Variants in PTPRF observed in about 807,000 individuals in gnomAD.
PTPRF encodes the protein receptor-type tyrosine-protein phosphatase F.
PTPRF carries 59 observed loss-of-function variants against 201.8 expected under a neutral mutation model. That is an observed-to-expected ratio of 0.29 (90% CI 0.24 to 0.36). The LOEUF (loss-of-function observed/expected upper bound fraction) is 0.36. PTPRF is among the 10% of genes least tolerant of loss of function. The pLI is 1.00. For synonymous variants in PTPRF, 1,088 were observed against 1,089.7 expected, an observed-to-expected ratio of 1.00 and a Z score of 0.03; for missense variants, 2,132 against 2,690.5, an observed-to-expected ratio of 0.79 and a Z score of 4.59.
In PTPRF at chr1:43,622,008, C is replaced by T. The variant is rs369551279; in HGVS notation, c.*5C>T. ...TTTGACCACTATGCAACGTAACTAC[C>T]GCTCCCCTCTCCTCCGCCACCCCCG... On this transcript the variant is annotated 3_prime_UTR_variant, in exon 34 of 34. Transcript: ENST00000359947. 132 of 1,613,794 alleles carry T rather than the reference C, an allele frequency of 8.2e-5. No individual in the cohort carries two copies. In the African/African-American group the frequency reaches 1.3e-3, roughly 15 times the overall value.
At chr1:43,616,097 G>A (rs1428974746) in intron 23 of PTPRF, among the ~76,000 whole-genome samples, 2 of 152,040 alleles carry the variant, frequency 1.3e-5, no homozygotes, top group African/African-American at 4.8e-5. Flanking sequence ...GAGGTGTGGG[G>A]TGTGCTGCGG....
chr1:43,539,314 T>C (rs1159647163), intron 2 of PTPRF, among the ~76,000 whole-genome samples: 1 of 151,986 alleles, frequency 6.6e-6, no homozygotes, highest in Non-Finnish European at 1.5e-5. Context: ...ACTGACAACA[T>C]GGTGGTGCTG....
Position 43,591,023 on chromosome 1 carries a change from G to T in PTPRF, c.1001G>T (p.Ser334Ile). The T allele has an allele frequency of 6.2e-7, 1 of 1,613,902 alleles. No homozygotes were observed. Among genetic ancestry groups the T allele is most frequent in the Non-Finnish European group, 8.5e-7 (1 of 1,179,880 alleles). The change falls in exon 9 of 34, where the codon AGT becomes ATT. Residue 334 changes from serine to isoleucine, a missense_variant. This residue lies in a region of PTPRF where 351 missense variants were observed against 401.7 expected (regional missense o/e 0.87). Coordinates refer to ENST00000359947, the MANE Select transcript of PTPRF (RefSeq NM_002840.5). ...GTGGTGACAGAGACAACTGCCACCAGTGTCACCCTCACCTGGGACTCTGGG... is the reference window on the plus strand; with the variant it reads ...GTGGTGACAGAGACAACTGCCACCATTGTCACCCTCACCTGGGACTCTGGG... ...DLVVTETTAT[S>I]VTLTWDSGNS...
rs866454013 is a variant in PTPRF, at chr1:43,557,623, T to G, written c.379+3682T>G. On this transcript the variant is annotated intron_variant, in intron 5 of 33. Transcript: ENST00000359947. ...CACTCCAGCCTGGGCGACAGGAGAC[T>G]CCATCTCAAAAAAAAAAAAAAAAAA... Among the ~76,000 whole-genome samples the G allele has an allele frequency of 4.4e-3, 554 of 126,750 alleles. 2 individuals are homozygous for G. Among genetic ancestry groups the G allele is most frequent in the African/African-American group, 0.016 (513 of 32,236 alleles). 83.2% of individuals were successfully genotyped at this position (126,750 alleles called of 152,430 possible). A position where few individuals can be genotyped will look rare whatever the true frequency, so the allele number is the denominator to read the frequency against.
rs1644102918 is a variant in PTPRF at position 43,537,582 on chromosome 1, A to G, written c.-125-616A>G. On this transcript the variant is annotated intron_variant, in intron 1 of 33. Transcript: ENST00000359947. This position sits in a 1 kb window ranked among gnomAD's most constrained non-coding sequence, Gnocchi z 4.8. Reference sequence around the variant, plus strand: ...TGGTAGTGACTCAGTAATTGTAAAAATATATAAATAGTCATGTTTGTGGTC... The same window carrying G: ...TGGTAGTGACTCAGTAATTGTAAAAGTATATAAATAGTCATGTTTGTGGTC... Among the ~76,000 whole-genome samples, 3 of 152,250 alleles carry G rather than the reference A, an allele frequency of 2.0e-5. No homozygotes were observed. Among genetic ancestry groups the G allele is most frequent in the Admixed American group, 2.0e-4 (3 of 15,288 alleles).
chr1:43,565,877 G>A (rs1646136806), intron 5 of PTPRF, among the ~76,000 whole-genome samples: 1 of 152,112 alleles, frequency 6.6e-6, no homozygotes, highest in African/African-American at 2.4e-5. Flanking sequence ...CAGCCCTTCC[G>A]CGGCAGCGCC....
intron 22 of PTPRF, chr1:43,612,834 C>CT (rs772621682): frequency 7.4e-7 from 1 of 1,351,794 alleles, no homozygotes; most frequent in South Asian, 1.2e-5. Flanking sequence ...TTGGGGGATA[C>CT]TTTGGCTTCT....
At chr1:43,531,748 C>G (rs1398083124) in intron 1 of PTPRF, among the ~76,000 whole-genome samples, 1 of 152,050 alleles carries the variant, frequency 6.6e-6, no homozygotes, top group African/African-American at 2.4e-5. Context: ...GGGTGCAACG[C>G]CCTGGAGGCC....
chr1:43,522,939 C>T (rs536061098), upstream of PTPRF, among the ~76,000 whole-genome samples: 10 of 152,184 alleles, frequency 6.6e-5, no homozygotes, highest in African/African-American at 1.4e-4. Context: ...GCGGCTGCAG[C>T]GCAGAGATAA....
chr1:43,579,017 A>T (rs575858938), intron 7 of PTPRF, 97 bp downstream of exon 7: 1 of 1,088,152 alleles, frequency 9.2e-7, no homozygotes. Context: ...CACGCAAGGG[A>T]CTGCCATGGG....
chr1:43,581,632 TCAGCCCCAGCGCCTGGGGA>T (rs1417069438), intron 7 of PTPRF, among the ~76,000 whole-genome samples: 1 of 152,208 alleles, frequency 6.6e-6, no homozygotes, highest in Non-Finnish European at 1.5e-5. Flanking sequence ...TAGGGGCCCT[TCAGCCCCAGCGCCTGGGGA>T]CAGCCTGTAC....
intron 5 of PTPRF, among the ~76,000 whole-genome samples, chr1:43,555,949 A>T (rs1645340752): frequency 1.3e-5 from 2 of 152,226 alleles, no homozygotes; most frequent in African/African-American, 4.8e-5. Flanking sequence ...TGCTGAGTCA[A>T]AGGGCACATG....
chr1:43,569,318 A>C (rs1646411717), intron 5 of PTPRF, among the ~76,000 whole-genome samples: 1 of 150,884 alleles, frequency 6.6e-6, no homozygotes, highest in African/African-American at 2.4e-5. Flanking sequence ...CTGGAGAGAT[A>C]AGTGCTGACG....
chr1:43,522,137 T>C (rs1642973229), upstream of PTPRF, among the ~76,000 whole-genome samples: 1 of 152,192 alleles, frequency 6.6e-6, no homozygotes, highest in African/African-American at 2.4e-5. Context: ...CCCCTTCTGC[T>C]TTGCCAGTTT....
chr1:43,590,014 T>A (rs1650243203), intron 8 of PTPRF, among the ~76,000 whole-genome samples: 1 of 152,190 alleles, frequency 6.6e-6, no homozygotes, highest in Admixed American at 6.5e-5. Context: ...GAGAAACACC[T>A]TCCAGTGGCT....
intron 7 of PTPRF, chr1:43,579,216 C>G (rs562468852): frequency 1.6e-6 from 1 of 610,402 alleles, no homozygotes; most frequent in Non-Finnish European, 3.2e-6. Flanking sequence ...GAATTTGGAG[C>G]CATCCAATCC....
At chr1:43,566,643 C>A (rs1158651688) in intron 5 of PTPRF, among the ~76,000 whole-genome samples, 1 of 152,220 alleles carries the variant, frequency 6.6e-6, no homozygotes, top group Admixed American at 6.5e-5. Flanking sequence ...GGCTGCTGTA[C>A]TTGGCTGAGT....
chr1:43,543,817 G>A lies in PTPRF; in HGVS notation c.-45-1214G>A, dbSNP rs574708315. On this transcript the variant is annotated intron_variant, in intron 2 of 33. Coordinates refer to ENST00000359947, the MANE Select transcript of PTPRF (RefSeq NM_002840.5). ...GCGTATCACTGTGGGGCCCCAAGGCGTGTTCACCGTCATGCACTCTGCTCT... is the reference window on the plus strand; with the variant it reads ...GCGTATCACTGTGGGGCCCCAAGGCATGTTCACCGTCATGCACTCTGCTCT... 3.3e-5 allele frequency among the ~76,000 whole-genome samples: 5 copies of A among 152,290 alleles called. No homozygotes were observed. In the South Asian group the frequency reaches 1.0e-3, roughly 32 times the overall value.
intron 22 of PTPRF, among the ~76,000 whole-genome samples, chr1:43,611,595 G>A (rs146149296): frequency 4.6e-5 from 7 of 152,248 alleles, no homozygotes; most frequent in African/African-American, 1.4e-4. Flanking sequence ...GGTTTTCAGC[G>A]GGGGAGCCAG....
Sources: allele counts gnomAD v4.1 joint callset (sites outside exome capture counted in the v4.1 genomes callset), GRCh38; gene constraint gnomAD v4.1.1; regional missense constraint gnomAD v4.1.1; non-coding constraint Gnocchi (gnomAD v3.1); transcripts MANE v1.5; gene names NCBI Gene and HGNC (gene_info 2026-07-23, HGNC 2026-07-21).